The following SHTN1 variants were observed in gnomAD, a reference collection of about 807,000 sequenced individuals.
SHTN1 encodes shootin 1, also known as shootin-1.
A neutral mutation model predicts 83.1 loss-of-function variants in SHTN1; 42 were observed. The observed-to-expected ratio is 0.51, with a 90% CI of 0.39 to 0.65. The LOEUF (loss-of-function observed/expected upper bound fraction) is 0.65. SHTN1 is among the 30% of genes least tolerant of loss of function. SHTN1 has a pLI of 0.00. For synonymous variants in SHTN1, 224 were observed against 247.7 expected, an observed-to-expected ratio of 0.90 and a Z score of 0.90; for missense variants, 622 against 737.8, an observed-to-expected ratio of 0.84 and a Z score of 1.82.
chr10:116,950,876 C>T (rs1849752119), intron 6 of SHTN1, among the ~76,000 whole-genome samples: 1 of 152,084 alleles, frequency 6.6e-6, no homozygotes, highest in Non-Finnish European at 1.5e-5. Flanking sequence ...TCATGGCCTC[C>T]AAGAAAATGA....
Position 116,881,670 on chromosome 10 carries a change from G to C in SHTN1, c.*4674C>G. 1 of 1,513,282 alleles carries C rather than the reference G, an allele frequency of 6.6e-7. No homozygotes were observed. Among genetic ancestry groups the C allele is most frequent in the Non-Finnish European group, 8.9e-7 (1 of 1,127,954 alleles). The allele number at this position is 1,513,282 out of a possible 1,614,324, so 93.7% of individuals were successfully genotyped here. Reference sequence around the variant, plus strand: ...CGAAACAGGAGCATCCTCTGGATAGGGCTGTACACACCCCAGGTTCCAGCC... The same window carrying C: ...CGAAACAGGAGCATCCTCTGGATAGCGCTGTACACACCCCAGGTTCCAGCC... On this transcript the variant is annotated 3_prime_UTR_variant, in exon 17 of 17. Coordinates refer to ENST00000355371, the MANE Select transcript of SHTN1 (RefSeq NM_001127211.3).
At chr10:116,906,026 A>T (rs903982669) in intron 15 of SHTN1, among the ~76,000 whole-genome samples, 6 of 152,250 alleles carry the variant, frequency 3.9e-5, no homozygotes, top group African/African-American at 1.4e-4. Flanking sequence ...ACAGGCAGGC[A>T]CAGTAAGTTA....
intron 1 of SHTN1, among the ~76,000 whole-genome samples, chr10:117,074,622 A>G (rs772106627): frequency 6.6e-6 from 1 of 152,230 alleles, no homozygotes; most frequent in African/African-American, 2.4e-5. Context: ...TAATTTCCAT[A>G]TCACTTTCCA....
At position 117,050,994 on chromosome 10, in the gene SHTN1, C is replaced by G. The variant is rs563446101; in HGVS notation, c.-188-2484G>C. Among the ~76,000 whole-genome samples, 4 of 152,254 alleles carry G rather than the reference C, an allele frequency of 2.6e-5. No homozygotes were observed. In the South Asian group the frequency reaches 8.3e-4, roughly 32 times the overall value. Reference sequence around the variant, plus strand: ...ATCGCTTGAGCCCAAGAGATTGAGGCTGCAGTGATGTCTGATCGCACTCCT... The same window carrying G: ...ATCGCTTGAGCCCAAGAGATTGAGGGTGCAGTGATGTCTGATCGCACTCCT... On this transcript the variant is annotated intron_variant, in intron 1 of 17. Transcript: ENST00000392901.
chr10:116,939,768 T>G (rs1429627258), intron 9 of SHTN1, among the ~76,000 whole-genome samples: 1 of 152,240 alleles, frequency 6.6e-6, no homozygotes, highest in Non-Finnish European at 1.5e-5. Context: ...GCTAACAGCC[T>G]TTCCTTCCCA....
intron 1 of SHTN1, among the ~76,000 whole-genome samples, chr10:117,124,684 G>T (rs1471933094): frequency 6.6e-6 from 1 of 152,162 alleles, no homozygotes; most frequent in Non-Finnish European, 1.5e-5. Flanking sequence ...GAAGCAGGGA[G>T]AATTGCTTGA....
At chr10:117,079,443 A>G (rs1302000521) in intron 1 of SHTN1, among the ~76,000 whole-genome samples, 1 of 113,944 alleles carries the variant, frequency 8.8e-6, no homozygotes, top group Admixed American at 1.1e-4. Context: ...TCATTGTTGG[A>G]CATTTGGGTT....
At chr10:117,108,117 T>C (rs999208269) in intron 1 of SHTN1, among the ~76,000 whole-genome samples, 1 of 152,180 alleles carries the variant, frequency 6.6e-6, no homozygotes, top group South Asian at 2.1e-4. Context: ...CCAAGGCTAA[T>C]AAGGAGCTGT....
intron 1 of SHTN1, among the ~76,000 whole-genome samples, chr10:117,058,986 G>A (rs1170058219): frequency 1.3e-5 from 2 of 152,140 alleles, no homozygotes; most frequent in African/African-American, 4.8e-5. Context: ...AAAGGAGGAG[G>A]AAATGGTTAT....
At chr10:117,099,009 TACACACACACACACACACACAC>T (rs371738555) in intron 1 of SHTN1, among the ~76,000 whole-genome samples, 1 of 141,030 alleles carries the variant, frequency 7.1e-6, no homozygotes, top group African/African-American at 2.6e-5. Context: ...GTGGTATGTA[TACACACACACACACACACACAC>T]ACACACACAC....
Position 116,886,214 on chromosome 10 carries a change from A to AC in SHTN1, c.*129dup. On this transcript the variant is annotated 3_prime_UTR_variant, in exon 17 of 17. Coordinates refer to ENST00000355371, the MANE Select transcript of SHTN1 (RefSeq NM_001127211.3). ...TATAGTTGCTACTTACAAAAGTGACACCAGAAAAGAACCTGTATTCTGAAT... is the reference window on the plus strand; with the variant it reads ...TATAGTTGCTACTTACAAAAGTGACACCCAGAAAAGAACCTGTATTCTGAAT... The AC allele has an allele frequency of 7.8e-7, 1 of 1,284,714 alleles. No individual in the cohort carries two copies. Among genetic ancestry groups the AC allele is most frequent in the Non-Finnish European group, 1.1e-6 (1 of 946,092 alleles). 79.6% of individuals were successfully genotyped at this position (1,284,714 alleles called of 1,614,324 possible).
At chr10:116,951,587 C>G (rs1392415608) in intron 6 of SHTN1, among the ~76,000 whole-genome samples, 1 of 152,178 alleles carries the variant, frequency 6.6e-6, no homozygotes, top group African/African-American at 2.4e-5. Flanking sequence ...CTTTCTCTAC[C>G]AGCAGCAATA....
At position 117,039,619 on chromosome 10, in the gene SHTN1, C is replaced by T. The variant is rs188174725; in HGVS notation, c.-123+8826G>A. Among the ~76,000 whole-genome samples, 97 of 152,096 alleles carry T rather than the reference C, an allele frequency of 6.4e-4. 1 individual carries two copies. The highest frequency in any genetic ancestry group is 2.2e-3 in the African/African-American group (92 of 41,494). ...CCTATAATCCCAGCACTTTGGGAGG[C>T]TGAGGGGGCAGATCACGAGGTCAGG... On this transcript the variant is annotated intron_variant, in intron 2 of 17. Transcript: ENST00000392901.
chr10:116,973,559 C>T (rs1850692203), intron 2 of SHTN1, among the ~76,000 whole-genome samples: 1 of 152,192 alleles, frequency 6.6e-6, no homozygotes, highest in Admixed American at 6.5e-5. Context: ...GGGCACAATA[C>T]ATGAACACAA....
At chr10:117,063,495 T>C (rs934431206) in intron 1 of SHTN1, among the ~76,000 whole-genome samples, 1 of 152,212 alleles carries the variant, frequency 6.6e-6, no homozygotes, top group African/African-American at 2.4e-5. Flanking sequence ...TGCATTGCTC[T>C]CTCAGCCACC....
At chr10:116,893,133 G>A (rs910252465) in intron 16 of SHTN1, among the ~76,000 whole-genome samples, 5 of 152,130 alleles carry the variant, frequency 3.3e-5, no homozygotes, top group African/African-American at 7.2e-5. Flanking sequence ...AATTAATCTG[G>A]AGGAAGTTGC....
intron 9 of SHTN1, among the ~76,000 whole-genome samples, chr10:116,933,030 A>C (rs1355078438): frequency 6.6e-6 from 1 of 152,150 alleles, no homozygotes; most frequent in East Asian, 1.9e-4. Flanking sequence ...TAATTCCTAC[A>C]TATGGGGACA....
chr10:117,026,616 T>C (rs539822551), intron 2 of SHTN1, among the ~76,000 whole-genome samples: 8 of 152,308 alleles, frequency 5.3e-5, no homozygotes, highest in African/African-American at 1.9e-4. Flanking sequence ...GAGACAGGGT[T>C]TCACCATGTT....
intron 1 of SHTN1, among the ~76,000 whole-genome samples, chr10:117,077,750 T>TA (rs1468550006): frequency 6.6e-6 from 1 of 152,118 alleles, no homozygotes; most frequent in Non-Finnish European, 1.5e-5. Context: ...GTCCTTGTGA[T>TA]AGTTTGCTGA....
Sources: allele counts gnomAD v4.1 joint callset (sites outside exome capture counted in the v4.1 genomes callset), GRCh38; gene constraint gnomAD v4.1.1; transcripts MANE v1.5; gene names NCBI Gene and HGNC (gene_info 2026-07-23, HGNC 2026-07-21).